The following PTPRN2 variants were observed in gnomAD, a reference collection of about 807,000 sequenced individuals.
PTPRN2 encodes protein tyrosine phosphatase receptor type N2, also known as receptor-type tyrosine-protein phosphatase N2.
PTPRN2 carries 74 observed loss-of-function variants against 118.8 expected under a neutral mutation model. That is an observed-to-expected ratio of 0.62 (90% CI 0.52 to 0.76). The LOEUF is 0.76. Ranked by LOEUF, PTPRN2 falls within the 30% of genes least tolerant of loss-of-function variation. The pLI is 0.00. For missense variants in PTPRN2, 1,481 were observed against 1,394.4 expected (o/e 1.06, Z -0.99); for synonymous variants, 641 against 608.0 (o/e 1.05, Z -0.80).
At chr7:158,533,838 A>G (rs1437087651) in intron 1 of PTPRN2, among the ~76,000 whole-genome samples, 1 of 152,208 alleles carries the variant, frequency 6.6e-6, no homozygotes, top group Non-Finnish European at 1.5e-5. Context: ...AACACCATGA[A>G]AACACAGCTC....
At chr7:158,222,239 A>G (rs1356799088) in intron 3 of PTPRN2, among the ~76,000 whole-genome samples, 1 of 152,164 alleles carries the variant, frequency 6.6e-6, no homozygotes, top group Non-Finnish European at 1.5e-5. Context: ...TAGCCAAAGG[A>G]AAATAAATCA....
intron 5 of PTPRN2, among the ~76,000 whole-genome samples, chr7:158,183,432 C>G (rs187775423): frequency 3.3e-5 from 5 of 152,254 alleles, no homozygotes; most frequent in South Asian, 2.1e-4. Flanking sequence ...CCCACTCCCC[C>G]CTGGGTTATG....
intron 2 of PTPRN2, among the ~76,000 whole-genome samples, chr7:158,337,495 C>A (rs376927022): frequency 6.6e-6 from 1 of 151,008 alleles, no homozygotes; most frequent in African/African-American, 2.5e-5. Flanking sequence ...CACCTGCAGA[C>A]GTCACTCGCA....
Position 157,784,093 on chromosome 7 carries a change from TG to T in PTPRN2, c.1789-101157del, listed in dbSNP as rs1213303638. ...TAAGTGCAGAGGAGGAGAAGGAAGC[TG>T]GGATGGGTGTGTTTAGTTCTGCTTC... On this transcript the variant is annotated intron_variant, in intron 12 of 22. Transcript: ENST00000389418. The surrounding 1 kb of genome is among the most constrained non-coding windows in gnomAD (Gnocchi z 4.6). Among the ~76,000 whole-genome samples the T allele has an allele frequency of 1.3e-5, 2 of 152,268 alleles. No homozygotes were observed. The highest frequency in any genetic ancestry group is 3.9e-4 in the East Asian group (2 of 5,160).
intron 1 of PTPRN2, among the ~76,000 whole-genome samples, chr7:158,556,228 G>T (rs772250588): frequency 5.3e-5 from 8 of 151,804 alleles, no homozygotes; most frequent in Non-Finnish European, 7.4e-5. Context: ...AGATAGATTA[G>T]ATAGATAGAT....
chr7:158,036,579 A>C (rs1808103925), intron 11 of PTPRN2, among the ~76,000 whole-genome samples: 1 of 152,238 alleles, frequency 6.6e-6, no homozygotes, highest in Non-Finnish European at 1.5e-5. Flanking sequence ...AGTAAAACAA[A>C]AAGTGACCAA....
chr7:158,489,765 G>C lies in PTPRN2; in HGVS notation c.133C>G (p.Leu45Val). 1 of 1,581,814 alleles carries C rather than the reference G, an allele frequency of 6.3e-7. No individual in the cohort carries two copies. Among genetic ancestry groups the C allele is most frequent in the Non-Finnish European group, 8.6e-7 (1 of 1,164,932 alleles). ...ACACAGGCCTCGGACGCTCCGCAGA[G>C]GCCCTCCTCGAGCAGGCAGCCTGCG... ...GRLGCLLEEG[L>V]CGASEACVND... Residue 45 changes from leucine to valine, a missense_variant, in exon 2 of 23, where the codon CTC becomes GTC. Physicochemically the swap from Leu to Val is conservative, Grantham distance 32. Transcript: ENST00000389418.
At chr7:157,754,706 C>T (rs1207776283) in intron 12 of PTPRN2, among the ~76,000 whole-genome samples, 1 of 152,246 alleles carries the variant, frequency 6.6e-6, no homozygotes, top group East Asian at 1.9e-4. Context: ...CCCAGCCCTA[C>T]TTGGCATGCG....
At position 158,336,352 on chromosome 7, in the gene PTPRN2, C is replaced by G. The variant is rs538760796; in HGVS notation, c.164-19420G>C. ...TGACACCTGCAGACGTCACTCACAC[C>G]CACACTCTCACCATAAGAGCTGACA... On this transcript the variant is annotated intron_variant, in intron 2 of 22. Transcript: ENST00000389418. Among the ~76,000 whole-genome samples the G allele has an allele frequency of 8.8e-3, 1,233 of 140,742 alleles. 36 individuals carry two copies. Among genetic ancestry groups the G allele is most frequent in the African/African-American group, 0.034 (1,164 of 34,620 alleles). 92.3% of individuals were successfully genotyped at this position (140,742 alleles called of 152,430 possible). A position where few individuals can be genotyped will look rare whatever the true frequency, so the allele number is the denominator to read the frequency against.
At position 158,138,969 on chromosome 7, in the gene PTPRN2, GCCCAGCACAC is replaced by G. The variant is rs1388307106; in HGVS notation, c.911-464_911-455del. On this transcript the variant is annotated intron_variant, in intron 6 of 22. Transcript: ENST00000389418. ...CAGGACACCCTGCCCAGCACACCCTGCCCAGCACACCCTGCCCAGCACACCCTGCCCAGCA... is the reference window on the plus strand; with the variant it reads ...CAGGACACCCTGCCCAGCACACCCTGCCTGCCCAGCACACCCTGCCCAGCA... Among the ~76,000 whole-genome samples, 1,401 of 151,832 alleles carry G rather than the reference GCCCAGCACAC, an allele frequency of 9.2e-3. 22 individuals are homozygous for G. Among genetic ancestry groups the G allele is most frequent in the African/African-American group, 0.032 (1,335 of 41,366 alleles).
intron 17 of PTPRN2, among the ~76,000 whole-genome samples, chr7:157,584,856 C>T (rs572795279): frequency 6.6e-6 from 1 of 152,328 alleles, no homozygotes; most frequent in Admixed American, 6.5e-5. Context: ...AAACCTTCAG[C>T]TCTGCTCTCA....
chr7:158,329,933 C>A (rs1344298129), intron 2 of PTPRN2, among the ~76,000 whole-genome samples: 1 of 152,074 alleles, frequency 6.6e-6, no homozygotes, highest in Non-Finnish European at 1.5e-5. Context: ...TCCTATTCTG[C>A]AACCAACTCA....
rs1585447664 is a variant in PTPRN2 at position 157,780,503 on chromosome 7, A to T, written c.1789-97566T>A. 6.6e-6 allele frequency among the ~76,000 whole-genome samples: 1 copy of T among 152,194 alleles called. No individual in the cohort carries two copies. The highest frequency in any genetic ancestry group is 1.5e-5 in the Non-Finnish European group (1 of 68,024). On this transcript the variant is annotated intron_variant, in intron 12 of 22. Transcript: ENST00000389418. This position sits in a 1 kb window ranked among gnomAD's most constrained non-coding sequence, Gnocchi z 4.5. ...GCAACTGAAGTTCGCTTGTCCCCAC[A>T]GGCAGCTCGACATGGTGCAGACCGT...
chr7:157,605,452 C>G (rs1384416135), intron 15 of PTPRN2, among the ~76,000 whole-genome samples: 3 of 152,256 alleles, frequency 2.0e-5, no homozygotes, highest in Admixed American at 2.0e-4. Flanking sequence ...CTGTTCTCTC[C>G]TTCTCTTCAC....
intron 11 of PTPRN2, among the ~76,000 whole-genome samples, chr7:158,073,787 G>A (rs1321165217): frequency 6.6e-6 from 1 of 151,678 alleles, no homozygotes; most frequent in Non-Finnish European, 1.5e-5. Context: ...AAAAGAAAAG[G>A]CTGTGAAAAC....
chr7:158,488,719 G>A (rs990765704), intron 2 of PTPRN2, among the ~76,000 whole-genome samples: 10 of 152,364 alleles, frequency 6.6e-5, no homozygotes, highest in Non-Finnish European at 1.3e-4. Context: ...TAGTGGGTGC[G>A]AGGGGCCTCT....
chr7:157,664,527 G>A lies in PTPRN2; in HGVS notation c.2002-7976C>T, dbSNP rs184552305. 3.0e-4 allele frequency among the ~76,000 whole-genome samples: 46 copies of A among 152,350 alleles called. No individual in the cohort carries two copies. In the East Asian group the frequency reaches 7.3e-3, roughly 24 times the overall value. ...CACGCCTGTAATCCCAGCACTTTGG[G>A]AAGTAGGTGGGAGGATCCCTTGAGC... is the stretch of plus-strand genomic sequence containing the variant. On this transcript the variant is annotated intron_variant, in intron 13 of 22. Coordinates refer to ENST00000389418, the MANE Select transcript of PTPRN2 (RefSeq NM_002847.5).
At chr7:158,124,265 C>T (rs1209598348) in intron 9 of PTPRN2, among the ~76,000 whole-genome samples, 3 of 152,248 alleles carry the variant, frequency 2.0e-5, no homozygotes, top group African/African-American at 7.2e-5. Context: ...CCTTCTCTCT[C>T]CCAGCCTGCA....
At chr7:158,150,488 A>G (rs111323516) in intron 6 of PTPRN2, among the ~76,000 whole-genome samples, 8 of 152,248 alleles carry the variant, frequency 5.3e-5, no homozygotes, top group African/African-American at 1.7e-4. Flanking sequence ...TGTCCCCTGC[A>G]CTGACCTTCA....
Sources: gnomAD v4.1 joint callset for allele counts (sites outside exome capture counted in the v4.1 genomes callset) on GRCh38, gnomAD v4.1.1 for gene constraint, Gnocchi (gnomAD v3.1) non-coding constraint, MANE v1.5 for transcripts, NCBI Gene and HGNC (gene_info 2026-07-23, HGNC 2026-07-21) for gene names.